Variants in SUGCT observed in about 807,000 individuals in gnomAD.
SUGCT encodes succinyl-CoA:glutarate-CoA transferase.
A neutral mutation model predicts 55.0 loss-of-function variants in SUGCT; 41 were observed. The observed-to-expected ratio is 0.74, with a 90% CI of 0.58 to 0.97. The LOEUF (loss-of-function observed/expected upper bound fraction) is 0.97. Ranked by LOEUF, SUGCT falls within the 50% of genes least tolerant of loss-of-function variation. The pLI is 0.00. For missense variants in SUGCT, 568 were observed against 547.8 expected (o/e 1.04, Z -0.37); for synonymous variants, 187 against 200.4 (o/e 0.93, Z 0.56).
chr7:40,924,265 C>CGTGTGT, the SUGCT span, among the ~76,000 whole-genome samples: 2,193 of 136,106 alleles, frequency 0.016, 23 homozygotes, highest in African/African-American at 0.034. Context: ...CTTTCAATTA[C>CGTGTGT]GTGTGTGTGT....
At chr7:40,183,992 G>A (rs1204083320) in intron 3 of SUGCT, among the ~76,000 whole-genome samples, 7 of 152,124 alleles carry the variant, frequency 4.6e-5, no homozygotes, top group Admixed American at 4.6e-4. Context: ...TGGCCAAGAT[G>A]GTGAAACCCC....
chr7:40,485,318 A>T (rs969568679), intron 11 of SUGCT, among the ~76,000 whole-genome samples: 4 of 151,516 alleles, frequency 2.6e-5, no homozygotes, highest in Non-Finnish European at 5.9e-5. Context: ...TCAGACAATG[A>T]CTTTGAAGGA....
chr7:40,890,053 A>G, the SUGCT span, among the ~76,000 whole-genome samples: 2 of 151,866 alleles, frequency 1.3e-5, no homozygotes, highest in African/African-American at 4.8e-5. Flanking sequence ...TAGTTGTTCA[A>G]TGAGCACTGA....
the SUGCT span, among the ~76,000 whole-genome samples, chr7:40,930,322 A>G: frequency 6.6e-6 from 1 of 152,210 alleles, no homozygotes; most frequent in East Asian, 1.9e-4. Context: ...TGGTTACTGT[A>G]GCCTTATAGT....
intron 12 of SUGCT, among the ~76,000 whole-genome samples, chr7:40,714,512 T>A (rs1785908550): frequency 6.6e-6 from 1 of 152,198 alleles, no homozygotes; most frequent in South Asian, 2.1e-4. Flanking sequence ...CCTGAAGCCA[T>A]GAAGTTAACC....
intron 9 of SUGCT, among the ~76,000 whole-genome samples, chr7:40,359,397 A>G (rs1408181460): frequency 6.6e-6 from 1 of 151,906 alleles, no homozygotes; most frequent in African/African-American, 2.4e-5. Flanking sequence ...TACCGACAGG[A>G]TTTCATCATG....
the SUGCT span, among the ~76,000 whole-genome samples, chr7:40,875,958 C>T: frequency 1.3e-5 from 2 of 152,050 alleles, no homozygotes; most frequent in Non-Finnish European, 2.9e-5. Flanking sequence ...CATTATGTGA[C>T]CAAGACAGAG....
At chr7:40,566,323 C>T (rs1013846097) in intron 12 of SUGCT, among the ~76,000 whole-genome samples, 11 of 152,192 alleles carry the variant, frequency 7.2e-5, no homozygotes, top group East Asian at 1.9e-4. Flanking sequence ...ATTTGGCCGT[C>T]GTGACTCTGG....
intron 12 of SUGCT, among the ~76,000 whole-genome samples, chr7:40,584,770 C>G (rs1797288482): frequency 6.6e-6 from 1 of 152,154 alleles, no homozygotes; most frequent in South Asian, 2.1e-4. Context: ...TAACATAAGG[C>G]TCCACTGTGG....
chr7:40,773,514 C>G (rs974948829), intron 13 of SUGCT, among the ~76,000 whole-genome samples: 2 of 152,132 alleles, frequency 1.3e-5, no homozygotes, highest in African/African-American at 4.8e-5. Flanking sequence ...CTAATCTGCT[C>G]TAGGCTCAAA....
chr7:40,251,214 C>T (rs566320956), intron 7 of SUGCT, among the ~76,000 whole-genome samples: 2 of 152,276 alleles, frequency 1.3e-5, no homozygotes, highest in Non-Finnish European at 2.9e-5. Context: ...TTCGAACATT[C>T]GTTCCTTCCA....
intron 12 of SUGCT, among the ~76,000 whole-genome samples, chr7:40,690,200 A>C (rs1784633487): frequency 6.6e-6 from 1 of 152,188 alleles, no homozygotes; most frequent in Non-Finnish European, 1.5e-5. Context: ...GGTAAACATA[A>C]TGGTTACAAT....
intron 13 of SUGCT, among the ~76,000 whole-genome samples, chr7:40,794,106 G>C (rs1409563242): frequency 6.6e-6 from 1 of 151,950 alleles, no homozygotes; most frequent in East Asian, 1.9e-4. Context: ...TTAAGGATCT[G>C]ATTCTTTCAT....
At chr7:40,414,723 A>G (rs1343854372) in intron 9 of SUGCT, among the ~76,000 whole-genome samples, 2 of 152,100 alleles carry the variant, frequency 1.3e-5, no homozygotes, top group Non-Finnish European at 2.9e-5. Flanking sequence ...CCTTGTCAAC[A>G]TGTTGAAACC....
chr7:40,296,624 TGTGTGTGTGTGTGTGTGTG>T (rs1428369068), intron 8 of SUGCT, among the ~76,000 whole-genome samples: 1 of 29,868 alleles, frequency 3.3e-5, no homozygotes, highest in African/African-American at 5.9e-5. Flanking sequence ...TGTGTGTGTG[TGTGTGTGTGTGTGTGTGTG>T]TGTGTGTGTG....
chr7:40,975,685 C>T, the SUGCT span, among the ~76,000 whole-genome samples: 5 of 152,124 alleles, frequency 3.3e-5, no homozygotes, highest in Admixed American at 1.3e-4. Flanking sequence ...TTTTGAAACC[C>T]ATCTTGCAGC....
rs570196135 is a variant in SUGCT, at chr7:40,757,018, C to T, written c.1153+7521C>T. The stretch of plus-strand genomic sequence containing the variant: ...CCAAAGTCCTCAATTATTTTTTTAC[C>T]GTTATTAAATCCTTAACCCATGGCA... On this transcript the variant is annotated intron_variant, in intron 13 of 13. Coordinates refer to ENST00000335693, the MANE Select transcript of SUGCT (RefSeq NM_001193313.2). Among the ~76,000 whole-genome samples, 3 of 152,102 alleles carry T rather than the reference C, an allele frequency of 2.0e-5. No homozygotes were observed. The South Asian group carries it at 6.2e-4, about 32-fold the overall frequency.
chr7:40,751,834 A>C (rs2128713871), intron 13 of SUGCT, among the ~76,000 whole-genome samples: 1 of 152,326 alleles, frequency 6.6e-6, no homozygotes, highest in African/African-American at 2.4e-5. Context: ...AATGAGGAAA[A>C]AAGTAAGTCA....
chr7:40,276,669 G>A (rs1489452992), intron 8 of SUGCT, among the ~76,000 whole-genome samples: 1 of 152,136 alleles, frequency 6.6e-6, no homozygotes, highest in Non-Finnish European at 1.5e-5. Flanking sequence ...GTGAAGGTGT[G>A]TATTTCCCTG....
Sources: allele counts gnomAD v4.1 joint callset (sites outside exome capture counted in the v4.1 genomes callset), GRCh38; gene constraint gnomAD v4.1.1; transcripts MANE v1.5; gene names NCBI Gene and HGNC (gene_info 2026-07-23, HGNC 2026-07-21).